OPCML: variants seen among roughly 807,000 people sequenced by gnomAD.
OPCML encodes opioid-binding protein/cell adhesion molecule.
OPCML carries 13 observed loss-of-function variants against 37.8 expected under a neutral mutation model. The observed-to-expected ratio is 0.34, with a 90% CI of 0.22 to 0.55. The LOEUF (loss-of-function observed/expected upper bound fraction) is 0.55, where lower values mean the gene tolerates loss of function less well. Ranked by LOEUF, OPCML falls within the 20% of genes least tolerant of loss-of-function variation. OPCML has a pLI of 0.91. For synonymous variants in OPCML, 176 were observed against 168.8 expected, an observed-to-expected ratio of 1.04 and a Z score of -0.33; for missense variants, 341 against 435.6, an observed-to-expected ratio of 0.78 and a Z score of 1.93.
intron 3 of OPCML, among the ~76,000 whole-genome samples, chr11:132,543,628 T>G (rs2096362320): frequency 6.6e-6 from 1 of 152,170 alleles, no homozygotes; most frequent in African/African-American, 2.4e-5. Context: ...TCTTAGGGAT[T>G]CCACTGGTTC....
intron 1 of OPCML, among the ~76,000 whole-genome samples, chr11:133,389,422 C>T (rs555954944): frequency 6.6e-6 from 1 of 152,244 alleles, no homozygotes; most frequent in East Asian, 1.9e-4. Flanking sequence ...GATTGGATGA[C>T]CTCGCCGGTT....
chr11:132,471,676 G>A (rs1169599356), intron 4 of OPCML, among the ~76,000 whole-genome samples: 1 of 152,204 alleles, frequency 6.6e-6, no homozygotes, highest in Non-Finnish European at 1.5e-5. Context: ...AGTGTCAGAG[G>A]AAATGACACA....
chr11:132,553,627 A>T (rs545109579), intron 3 of OPCML, among the ~76,000 whole-genome samples: 104 of 152,344 alleles, frequency 6.8e-4, no homozygotes, highest in African/African-American at 2.4e-3. Flanking sequence ...CTAGGCAGAG[A>T]TTCTTATAAC....
chr11:133,494,326 A>T (rs1464827591), intron 1 of OPCML, among the ~76,000 whole-genome samples: 4 of 151,740 alleles, frequency 2.6e-5, no homozygotes, highest in African/African-American at 9.7e-5. Context: ...TTCCTCAGGG[A>T]TCTAGAACTA....
At chr11:132,475,010 C>T (rs138796846) in intron 4 of OPCML, among the ~76,000 whole-genome samples, 9 of 152,316 alleles carry the variant, frequency 5.9e-5, no homozygotes, top group Non-Finnish European at 1.0e-4. Flanking sequence ...CTCCCACCTG[C>T]CATACTGCTA....
intron 1 of OPCML, among the ~76,000 whole-genome samples, chr11:133,259,487 T>C (rs985697652): frequency 5.9e-5 from 9 of 152,290 alleles, no homozygotes; most frequent in African/African-American, 2.2e-4. Context: ...AGTATATTTC[T>C]TCTTGTAAAA....
chr11:133,243,933 T>C (rs1565525988), intron 1 of OPCML, among the ~76,000 whole-genome samples: 1 of 152,172 alleles, frequency 6.6e-6, no homozygotes, highest in Non-Finnish European at 1.5e-5. Flanking sequence ...CTGCAATGTG[T>C]GCACACCAAG....
intron 1 of OPCML, among the ~76,000 whole-genome samples, chr11:133,247,860 T>C (rs973007391): frequency 6.6e-6 from 1 of 152,154 alleles, no homozygotes; most frequent in Non-Finnish European, 1.5e-5. Context: ...TCACCCGCTT[T>C]GGTCTCCCAA....
At chr11:132,608,105 C>T (rs1209481297) in intron 3 of OPCML, among the ~76,000 whole-genome samples, 3 of 152,182 alleles carry the variant, frequency 2.0e-5, no homozygotes, top group Non-Finnish European at 4.4e-5. Context: ...TAGATCATCA[C>T]ATGTACCCCA....
intron 1 of OPCML, among the ~76,000 whole-genome samples, chr11:133,147,115 G>A (rs1212289414): frequency 6.6e-6 from 1 of 152,178 alleles, no homozygotes; most frequent in African/African-American, 2.4e-5. Context: ...GAGTGTCAGG[G>A]GCTGCCGCCT....
At chr11:132,732,146 C>T (rs1939504) in intron 2 of OPCML, among the ~76,000 whole-genome samples, 104,238 of 152,096 alleles carry the variant, frequency 0.69, 36,425 homozygotes, top group African/African-American at 0.8. Context: ...TATAGGCAGA[C>T]ATACTAGTTA....
intron 2 of OPCML, among the ~76,000 whole-genome samples, chr11:132,710,484 G>A (rs1456450018): frequency 1.3e-5 from 2 of 152,146 alleles, no homozygotes; most frequent in Non-Finnish European, 2.9e-5. Flanking sequence ...CTCATGATTT[G>A]GTTAGAAAGA....
intron 2 of OPCML, among the ~76,000 whole-genome samples, chr11:132,852,601 G>T (rs1389085319): frequency 6.6e-6 from 1 of 150,672 alleles, no homozygotes; most frequent in Non-Finnish European, 1.5e-5. Flanking sequence ...CCACGCCTGC[G>T]CACAAAGGAG....
chr11:132,598,880 T>TTATA (rs1397072532), intron 3 of OPCML, among the ~76,000 whole-genome samples: 1 of 152,202 alleles, frequency 6.6e-6, no homozygotes, highest in Non-Finnish European at 1.5e-5. Flanking sequence ...TATTTGGCTT[T>TTATA]TATGTGTGAG....
At chr11:133,236,727 T>C (rs957170324) in intron 1 of OPCML, among the ~76,000 whole-genome samples, 5 of 152,254 alleles carry the variant, frequency 3.3e-5, no homozygotes, top group Non-Finnish European at 7.3e-5. Flanking sequence ...TCCTCTTCCT[T>C]ATTTAAAAGT....
chr11:133,184,776 A>T (rs1937999133), intron 1 of OPCML, among the ~76,000 whole-genome samples: 1 of 152,220 alleles, frequency 6.6e-6, no homozygotes, highest in Admixed American at 6.5e-5. Flanking sequence ...TTTTAATCAT[A>T]TGTTATTTAG....
chr11:132,827,058 G>C (rs1251621702), intron 2 of OPCML, among the ~76,000 whole-genome samples: 1 of 152,116 alleles, frequency 6.6e-6, no homozygotes, highest in Non-Finnish European at 1.5e-5. Context: ...CTTGTTCCAT[G>C]GTTGTTTCTT....
chr11:133,317,296 T>C (rs1411142253), intron 1 of OPCML, among the ~76,000 whole-genome samples: 2 of 152,190 alleles, frequency 1.3e-5, no homozygotes, highest in Non-Finnish European at 1.5e-5. Context: ...ATACTTCTGG[T>C]TAACCTGAAA....
chr11:133,494,858 A>G, intron 1 of OPCML, among the ~76,000 whole-genome samples: 1 of 151,700 alleles, frequency 6.6e-6, no homozygotes, highest in African/African-American at 2.4e-5. Context: ...GTACCCTAAA[A>G]CTTAAAGTAT....
Sources: allele counts gnomAD v4.1 joint callset (sites outside exome capture counted in the v4.1 genomes callset), GRCh38; gene constraint gnomAD v4.1.1; transcripts MANE v1.5; gene names NCBI Gene and HGNC (gene_info 2026-07-23, HGNC 2026-07-21).